Variants in MYO15B observed in about 807,000 individuals in gnomAD.
The protein encoded by MYO15B is myosin XVB pseudogene.
In MYO15B, 207 loss-of-function variants were observed where a neutral mutation model predicts 119.3. That is an observed-to-expected ratio of 1.73 (90% CI 1.55 to 1.95). The LOEUF is 1.95. Among genes scored for constraint, MYO15B ranks in the 30% most tolerant of loss-of-function variants. The probability of loss-of-function intolerance (pLI) is 0.00; values close to 1 mark genes in which losing one functional copy is unlikely to be tolerated. For synonymous variants in MYO15B, 966 were observed against 498.9 expected, an observed-to-expected ratio of 1.94 and a Z score of -12.48; for missense variants, 2,264 against 1,203.1, an observed-to-expected ratio of 1.88 and a Z score of -13.04.
intron 59 of MYO15B, 27 bp from the exon 60 acceptor site, chr17:75,625,096 G>A: frequency 1.5e-6 from 1 of 676,574 alleles, no homozygotes; most frequent in Non-Finnish European, 2.7e-6. Flanking sequence ...GACCACCGCT[G>A]CCCTCCTCAC....
exon 41 of MYO15B, chr17:75,617,091 T>C (rs1347692860): frequency 1.5e-6 from 1 of 677,334 alleles, no homozygotes; most frequent in South Asian, 1.5e-5. Context: ...CCAGATGCTG[T>C]CCCCCAGCCC....
chr17:75,626,018 T>A (rs1423076183), intron 62 of MYO15B, 41 bp downstream of exon 62: 1 of 697,942 alleles, frequency 1.4e-6, no homozygotes, highest in East Asian at 2.7e-5. Flanking sequence ...TAGGGACCCT[T>A]GGGCTGTTCC....
exon 9 of MYO15B, chr17:75,592,700 G>A: frequency 1.4e-6 from 1 of 701,414 alleles, no homozygotes; most frequent in South Asian, 1.5e-5. Flanking sequence ...CAGGCTGCAA[G>A]GCAAGGAGGA....
At chr17:75,601,318 A>G (rs1252532955) in intron 14 of MYO15B, 120 bp from the exon 15 acceptor site, 1 of 593,318 alleles carries the variant, frequency 1.7e-6, no homozygotes, top group Admixed American at 2.9e-5. Flanking sequence ...GTTTTGGGGA[A>G]CAAAGCCAAA....
rs1234474766 is a variant in MYO15B at position 75,611,591 on chromosome 17, C to G, written c.4447-10C>G. On this transcript the variant is annotated splice_polypyrimidine_tract_variant and intron_variant, in intron 23 of 63. Coordinates refer to ENST00000645453, the Ensembl canonical transcript of MYO15B. Reference sequence around the variant, plus strand: ...CTGTGGATCCTGGGTAAATGAGTCCCCTCTGCCAGGAGCTGGGGCGCTTGG... The same window carrying G: ...CTGTGGATCCTGGGTAAATGAGTCCGCTCTGCCAGGAGCTGGGGCGCTTGG... 2.8e-6 allele frequency: 2 copies of G among 702,704 alleles called. No individual in the cohort carries two copies. Among genetic ancestry groups the G allele is most frequent in the African/African-American group, 1.7e-5 (1 of 57,322 alleles). The allele number at this position is 702,704 out of a possible 1,614,324, so 43.5% of individuals were successfully genotyped here.
At chr17:75,592,541 G>A (rs1052095582) in exon 8 of MYO15B, 1 of 610,116 alleles carries the variant, frequency 1.6e-6, no homozygotes, top group Non-Finnish European at 2.9e-6. Flanking sequence ...ACCTCAACCA[G>A]GTCGGGGGAG....
chr17:75,588,736 A>AG lies in MYO15B; in HGVS notation c.679_680insG (p.Thr227SerfsTer205). On this transcript the variant is annotated frameshift_variant, in exon 1 of 64. Coordinates refer to ENST00000645453, the Ensembl canonical transcript of MYO15B. LOFTEE classifies it high-confidence loss of function. Reference sequence around the variant, plus strand: ...CCGGGGCCGGGAAGGGTCGTCGGGGACGGGGCCCCTGGGAGCCAGCGAGCA... The same window carrying AG: ...CCGGGGCCGGGAAGGGTCGTCGGGGAGCGGGGCCCCTGGGAGCCAGCGAGCA... 5 of 396,996 alleles carry AG rather than the reference A, an allele frequency of 1.3e-5. No individual in the cohort carries two copies. The highest frequency in any genetic ancestry group is 2.2e-5 in the Non-Finnish European group (5 of 225,372). The allele number at this position is 396,996 out of a possible 1,614,324, so 24.6% of individuals were successfully genotyped here. A position where few individuals can be genotyped will look rare whatever the true frequency, so the allele number is the denominator to read the frequency against.
chr17:75,614,385 C>T (rs1169149005), intron 30 of MYO15B, 25 bp downstream of exon 30: 1 of 698,838 alleles, frequency 1.4e-6, no homozygotes, highest in Admixed American at 2.0e-5. Context: ...GCACCCCTCT[C>T]CCTGGCCTGC....
rs369151666 is a variant in MYO15B, at chr17:75,610,896, A to G, written c.4387-4A>G. ...ATCAGCTCTTCCCACATCTCTTCCA[A>G]CAGCTTGGGCGTTGGCAGGGCTGGC... is the stretch of plus-strand genomic sequence containing the variant. On this transcript the variant is annotated splice_polypyrimidine_tract_variant and splice_region_variant and intron_variant, in intron 22 of 63. Transcript: ENST00000645453. The G allele has an allele frequency of 2.4e-4, 169 of 702,896 alleles. 1 individual carries two copies. Among genetic ancestry groups the G allele is most frequent in the African/African-American group, 1.9e-3 (110 of 57,352 alleles). 43.5% of individuals were successfully genotyped at this position (702,896 alleles called of 1,614,324 possible).
rs1434942784 is a variant in MYO15B at position 75,591,711 on chromosome 17, A to AG, written c.2547+1dup. On this transcript the variant is annotated frameshift_variant and splice_region_variant, in exon 5 of 64. Transcript: ENST00000645453. LOFTEE classifies it high-confidence loss of function. ...GATCAGACGGGGAACCGAGAGTGTC[A>AG]GGTGAGGGCCAGGCTGGAGGTACCT... 1.4e-6 allele frequency: 1 copy of AG among 702,794 alleles called. No homozygotes were observed. The highest frequency in any genetic ancestry group is 2.6e-6 in the Non-Finnish European group (1 of 384,952). 43.5% of individuals were successfully genotyped at this position (702,794 alleles called of 1,614,324 possible).
At chr17:75,609,397 ACTCCTGGT>A (rs1451773886) in intron 21 of MYO15B, among the ~76,000 whole-genome samples, 1 of 145,716 alleles carries the variant, frequency 6.9e-6, no homozygotes, top group Non-Finnish European at 1.5e-5. Context: ...CTGGTCTTGA[ACTCCTGGT>A]CTCAAGCAAT....
chr17:75,608,605 C>T (rs1018667453), intron 21 of MYO15B, among the ~76,000 whole-genome samples: 1 of 151,924 alleles, frequency 6.6e-6, no homozygotes. Context: ...CGCGCCATTG[C>T]ACTCCAGCAG....
intron 14 of MYO15B, among the ~76,000 whole-genome samples, chr17:75,597,857 A>C (rs1287337003): frequency 6.6e-6 from 1 of 152,224 alleles, no homozygotes; most frequent in Non-Finnish European, 1.5e-5. Flanking sequence ...TCAAGGATGC[A>C]GTGAGCCATG....
exon 8 of MYO15B, chr17:75,592,475 G>A (rs1041893254): frequency 1.6e-6 from 1 of 612,918 alleles, no homozygotes; most frequent in Admixed American, 2.8e-5. Flanking sequence ...TGCTGGCAGG[G>A]CTGGACTCCA....
In MYO15B at chr17:75,613,478, G is replaced by T. The variant is rs1295484076; in HGVS notation, c.5146+7G>T. 1 of 671,462 alleles carries T rather than the reference G, an allele frequency of 1.5e-6. No homozygotes were observed. The highest frequency in any genetic ancestry group is 2.7e-6 in the Non-Finnish European group (1 of 375,992). The allele number at this position is 671,462 out of a possible 1,614,324, so 41.6% of individuals were successfully genotyped here. ...GATGTGTTCACCTTCAGCGGTGAGG[G>T]CTGCCTCTGGCTGAGGCCTCCCAGG... On this transcript the variant is annotated splice_region_variant and intron_variant, in intron 28 of 63. Transcript: ENST00000645453.
intron 44 of MYO15B, 46 bp downstream of exon 44, chr17:75,619,264 C>T (rs2058560087): frequency 1.0e-5 from 7 of 702,532 alleles, no homozygotes; most frequent in Non-Finnish European, 1.6e-5. Context: ...GTGCTGGGGG[C>T]CGCGCCTGCC....
intron 45 of MYO15B, 22 bp downstream of exon 45, chr17:75,619,498 AG>A (rs1222274763): frequency 1.4e-6 from 1 of 698,966 alleles, no homozygotes; most frequent in East Asian, 2.7e-5. Flanking sequence ...TGGGGTAGGG[AG>A]TAGGGATGCC....
intron 49 of MYO15B, 185 bp downstream of exon 49, chr17:75,620,821 C>T (rs2058665580): frequency 1.4e-6 from 1 of 701,874 alleles, no homozygotes; most frequent in Non-Finnish European, 2.6e-6. Flanking sequence ...GCACTCCTTG[C>T]AGGCAGGGGC....
At position 75,602,653 on chromosome 17, in the gene MYO15B, C is replaced by T. The variant is rs977359632; in HGVS notation, c.3729+59C>T. The T allele has an allele frequency of 1.6e-5, 10 of 616,334 alleles. 1 individual carries two copies. In the Admixed American group the frequency reaches 2.5e-4, roughly 15 times the overall value. The allele number at this position is 616,334 out of a possible 1,614,324, so 38.2% of individuals were successfully genotyped here. A position where few individuals can be genotyped will look rare whatever the true frequency, so the allele number is the denominator to read the frequency against. ...CCATACTCTGTCCCCCAATTCTGTCCTTTTCCCCCTGGGCGCTCTTGCCCA... is the reference window on the plus strand; with the variant it reads ...CCATACTCTGTCCCCCAATTCTGTCTTTTTCCCCCTGGGCGCTCTTGCCCA... On this transcript the variant is annotated intron_variant, in intron 16 of 63. Coordinates refer to ENST00000645453, the Ensembl canonical transcript of MYO15B.
Sources: allele counts gnomAD v4.1 joint callset (sites outside exome capture counted in the v4.1 genomes callset), GRCh38; gene constraint gnomAD v4.1.1; transcripts MANE v1.5; gene names NCBI Gene and HGNC (gene_info 2026-07-23, HGNC 2026-07-21).